ST7L: variants seen among roughly 807,000 people sequenced by gnomAD.
ST7L encodes the protein suppression of tumorigenicity 7 like.
ST7L carries 57 observed loss-of-function variants against 72.5 expected under a neutral mutation model. The ratio of observed to expected loss-of-function variants is 0.79; its 90% CI spans 0.64 to 0.98. The LOEUF is 0.98. ST7L is among the 50% of genes least tolerant of loss of function. ST7L has a pLI of 0.00. For synonymous variants in ST7L, 221 were observed against 240.9 expected (o/e 0.92, Z 0.77); for missense variants, 576 against 672.2 (o/e 0.86, Z 1.58).
chr1:112,561,520 G>T (rs1660137866), intron 11 of ST7L, among the ~76,000 whole-genome samples: 1 of 149,740 alleles, frequency 6.7e-6, no homozygotes, highest in African/African-American at 2.5e-5. Flanking sequence ...TGCTTTTGTT[G>T]TCCAGACTGG....
downstream of ST7L, chr1:112,520,454 T>C (rs769580679): frequency 4.3e-6 from 7 of 1,614,082 alleles, no homozygotes; most frequent in South Asian, 2.2e-5. Context: ...AGAAATACTG[T>C]GGACGTCCAT....
chr1:112,520,797 A>G (rs758262425), downstream of ST7L: 3 of 449,042 alleles, frequency 6.7e-6, no homozygotes, highest in Admixed American at 3.7e-5. Context: ...GAGTTGCACT[A>G]AAGTACGTAG....
chr1:112,556,972 A>C (rs1659251826), intron 11 of ST7L, among the ~76,000 whole-genome samples: 2 of 135,134 alleles, frequency 1.5e-5, no homozygotes, highest in African/African-American at 3.4e-5. Context: ...GTCTCAAAAA[A>C]AAAAAAAAAA....
intron 11 of ST7L, among the ~76,000 whole-genome samples, chr1:112,563,201 C>T (rs886384574): frequency 1.3e-5 from 2 of 151,934 alleles, no homozygotes; most frequent in African/African-American, 2.4e-5. Flanking sequence ...ATCTGAAAAA[C>T]ATTTCAAAGG....
At chr1:112,584,554 C>A (rs1255788090) in intron 6 of ST7L, among the ~76,000 whole-genome samples, 1 of 151,982 alleles carries the variant, frequency 6.6e-6, no homozygotes, top group Non-Finnish European at 1.5e-5. Context: ...ATGGCCCAAT[C>A]TTGGCTCACT....
At chr1:112,554,831 A>G (rs1658819289) in intron 12 of ST7L, among the ~76,000 whole-genome samples, 1 of 152,216 alleles carries the variant, frequency 6.6e-6, no homozygotes, top group Non-Finnish European at 1.5e-5. Flanking sequence ...CATATTACCA[A>G]TATAAATGAA....
At chr1:112,595,182 A>G (rs1481551515) in intron 5 of ST7L, among the ~76,000 whole-genome samples, 9 of 151,910 alleles carry the variant, frequency 5.9e-5, no homozygotes, top group Non-Finnish European at 1.3e-4. Context: ...CCTGACCAAC[A>G]TGGAGAAACC....
intron 6 of ST7L, among the ~76,000 whole-genome samples, chr1:112,584,366 A>AC (rs1322073422): frequency 2.0e-5 from 3 of 152,004 alleles, no homozygotes; most frequent in Non-Finnish European, 4.4e-5. Flanking sequence ...AAAAAAAAAA[A>AC]ACAAAATTTT....
intron 12 of ST7L, among the ~76,000 whole-genome samples, chr1:112,551,138 C>CTTTTTTTTTTTTTTT (rs567601091): frequency 3.5e-4 from 27 of 77,224 alleles, no homozygotes; most frequent in African/African-American, 5.1e-4. Flanking sequence ...ATGAGCAGAT[C>CTTTTTTTTTTTTTTT]TTTTTTTTTT....
chr1:112,570,912 G>A (rs1196466490), intron 11 of ST7L, among the ~76,000 whole-genome samples: 2 of 152,208 alleles, frequency 1.3e-5, no homozygotes, highest in Admixed American at 6.5e-5. Context: ...GCTCACGCCT[G>A]TAATCCCAGC....
chr1:112,581,693 G>A (rs1664149770), intron 9 of ST7L, among the ~76,000 whole-genome samples: 2 of 152,148 alleles, frequency 1.3e-5, no homozygotes, highest in Admixed American at 1.3e-4. Flanking sequence ...ACAGGTGTGA[G>A]CCACCATGCC....
At position 112,550,651 on chromosome 1, in the gene ST7L, A is replaced by G; in HGVS notation, c.1439T>C (p.Phe480Ser). 1 of 1,613,612 alleles carries G rather than the reference A, an allele frequency of 6.2e-7. No individual in the cohort carries two copies. Among genetic ancestry groups the G allele is most frequent in the Non-Finnish European group, 8.5e-7 (1 of 1,179,692 alleles). Residue 480 changes from phenylalanine to serine, a missense_variant, in exon 13 of 15, where the codon TTT becomes TCT. Coordinates refer to ENST00000358039, the MANE Select transcript of ST7L (RefSeq NM_017744.5). ...CTCTGTGCAGCTGGGATAAGGGTAA[A>G]ATAGATGTCCTTTCTCTAACGGGTA... is the stretch of plus-strand genomic sequence containing the variant. Reference protein sequence around the residue: ...IPYPLEKGHLFYPYPSCTETA... With the variant: ...IPYPLEKGHLSYPYPSCTETA...
At chr1:112,564,861 G>A (rs996981820) in intron 11 of ST7L, among the ~76,000 whole-genome samples, 1 of 150,862 alleles carries the variant, frequency 6.6e-6, no homozygotes, top group Admixed American at 6.6e-5. Context: ...TTCTAGGGTG[G>A]ATAAGACTTG....
At chr1:112,564,817 C>CAAA (rs780771291) in intron 11 of ST7L, among the ~76,000 whole-genome samples, 17 of 43,020 alleles carry the variant, frequency 4.0e-4, no homozygotes, top group Non-Finnish European at 8.4e-4. Flanking sequence ...AACTGCATCT[C>CAAA]AAAAAAAAAA....
chr1:112,555,438 G>A (rs920595208), intron 12 of ST7L, among the ~76,000 whole-genome samples: 3 of 151,968 alleles, frequency 2.0e-5, no homozygotes, highest in Non-Finnish European at 2.9e-5. Flanking sequence ...GGTGGCAGGC[G>A]CCTGTAGTCC....
intron 14 of ST7L, chr1:112,541,016 G>A (rs1656006099): frequency 4.2e-6 from 2 of 473,826 alleles, no homozygotes; most frequent in South Asian, 2.0e-5. Context: ...TGGGCATGGC[G>A]GCTCATGCCT....
chr1:112,581,581 T>G (rs893889264), intron 9 of ST7L, among the ~76,000 whole-genome samples: 5 of 152,000 alleles, frequency 3.3e-5, no homozygotes, highest in Admixed American at 2.6e-4. Flanking sequence ...TTAAAAAATT[T>G]TTTTGTAGAG....
Position 112,526,053 on chromosome 1 carries a change from T to C in ST7L, c.1688A>G (p.Gln563Arg). 1 of 1,614,198 alleles carries C rather than the reference T, an allele frequency of 6.2e-7. No homozygotes were observed. The highest frequency in any genetic ancestry group is 8.5e-7 in the Non-Finnish European group (1 of 1,180,036). The change falls in exon 15 of 15, where the codon CAG (glutamine) becomes CGG (arginine). Residue 563 changes from glutamine to arginine, a missense_variant. Around this residue, in one of 3 missense-constraint regions of ST7L, gnomAD observed 511 missense variants for 600.7 expected, o/e 0.85. Transcript: ENST00000358039. ...WASSGFEENT[Q>R]DLKSEDLGLS... ...ACCTAGGTCTTCTGACTTCAAATCC[T>C]GTGTATTCTCCTCAAAGCCTGAGGA...
At chr1:112,541,918 A>G in intron 14 of ST7L, 33 bp downstream of exon 14, 1 of 1,606,008 alleles carries the variant, frequency 6.2e-7, no homozygotes, top group Non-Finnish European at 8.5e-7. Context: ...TGTTTTACAA[A>G]TAATCTACAC....
Sources: gnomAD v4.1 joint callset for allele counts (sites outside exome capture counted in the v4.1 genomes callset) on GRCh38, gnomAD v4.1.1 for gene constraint, gnomAD v4.1.1 regional missense constraint, MANE v1.5 for transcripts, NCBI Gene and HGNC (gene_info 2026-07-23, HGNC 2026-07-21) for gene names.